Variants in OFD1 observed in about 807,000 individuals in gnomAD.
OFD1 encodes centriole and centriolar satellite protein OFD1.
OFD1 carries 12 observed loss-of-function variants against 81.4 expected under a neutral mutation model. The ratio of observed to expected loss-of-function variants is 0.15; its 90% CI spans 0.09 to 0.24. The LOEUF (loss-of-function observed/expected upper bound fraction) is 0.24. Among genes scored for constraint, OFD1 ranks in the 10% least tolerant of loss-of-function variants. OFD1 has a pLI of 1.00. For missense variants in OFD1, 685 were observed against 733.9 expected (o/e 0.93, Z 0.77); for synonymous variants, 256 against 263.7 (o/e 0.97, Z 0.28).
At chrX:13,734,364 G>C (rs930670610), upstream of OFD1, among the ~76,000 whole-genome samples, 2 of 111,061 alleles carry the variant, frequency 1.8e-5, no homozygotes, top group Non-Finnish European at 3.8e-5. Flanking sequence ...TCTGCAGGTG[G>C]AAGGGCTGCG....
At chrX:13,759,688 A>G (rs977631089) in intron 15 of OFD1, among the ~76,000 whole-genome samples, 13 of 112,369 alleles carry the variant, frequency 1.2e-4, no homozygotes, top group African/African-American at 4.2e-4. Flanking sequence ...ACAGCATCCT[A>G]TAGTAAAGCA....
upstream of OFD1, among the ~76,000 whole-genome samples, chrX:13,730,742 A>G (rs1189480232): frequency 3.6e-5 from 4 of 111,477 alleles, no homozygotes; most frequent in African/African-American, 1.3e-4. Flanking sequence ...CAGCCATAAA[A>G]AAGGATGAGT....
At chrX:13,761,892 G>C (rs1413669807) in intron 17 of OFD1, among the ~76,000 whole-genome samples, 7 of 101,727 alleles carry the variant, frequency 6.9e-5, no homozygotes, top group Non-Finnish European at 1.4e-4. Context: ...TGGGCCTGTC[G>C]TAGTCCTAAA....
the OFD1 span, chrX:13,720,282 AG>A: frequency 1.3e-5 from 2 of 150,478 alleles, no homozygotes; most frequent in African/African-American, 6.2e-5. Context: ...ATTCAGCTCA[AG>A]GGGCCCTAAG....
intron 10 of OFD1, chrX:13,752,958 T>A (rs1421615239): frequency 2.2e-6 from 2 of 900,687 alleles, no homozygotes; most frequent in African/African-American, 4.2e-5. Context: ...GTTCTTACCT[T>A]GGTTGGGGGT....
chrX:13,763,953 G>GT (rs1325115423), intron 19 of OFD1, 98 bp downstream of exon 19: 4 of 668,531 alleles, frequency 6.0e-6, no homozygotes, highest in African/African-American at 4.3e-5. Context: ...AAGTCATCTT[G>GT]TAGGTGTAAA....
At chrX:13,731,457 A>AT (rs2146878991), upstream of OFD1, among the ~76,000 whole-genome samples, 1 of 112,574 alleles carries the variant, frequency 8.9e-6, no homozygotes, top group Admixed American at 9.4e-5. Flanking sequence ...CCAAATTTAC[A>AT]TTTTTTGTTT....
upstream of OFD1, among the ~76,000 whole-genome samples, chrX:13,731,298 A>G (rs1444459304): frequency 8.9e-6 from 1 of 112,217 alleles, no homozygotes; most frequent in African/African-American, 3.2e-5. Flanking sequence ...GAGCGACTAG[A>G]ACACCAACAG....
At position 13,760,734 on chromosome X, in the gene OFD1, A is replaced by G. The variant is rs1401302718; in HGVS notation, c.2260+14A>G. ...TGTATCTGGAAGGTAAGCCACCCGC[A>G]CAAAGGGTTGCGGGGTGCTCTGGAG... On this transcript the variant is annotated intron_variant, in intron 16 of 22. Transcript: ENST00000340096. 1 of 1,209,284 alleles carries G rather than the reference A, an allele frequency of 8.3e-7. No homozygotes were observed. Among genetic ancestry groups the G allele is most frequent in the Non-Finnish European group, 1.1e-6 (1 of 894,858 alleles).
chrX:13,734,931 G>A lies in OFD1; in HGVS notation c.-141G>A. 2.7e-6 allele frequency: 3 copies of A among 1,110,787 alleles called. No homozygotes were observed. Among genetic ancestry groups the A allele is most frequent in the Non-Finnish European group, 3.5e-6 (3 of 853,151 alleles). 91.5% of individuals were successfully genotyped at this position (1,110,787 alleles called of 1,213,427 possible). A position where few individuals can be genotyped will look rare whatever the true frequency, so the allele number is the denominator to read the frequency against. On this transcript the variant is annotated 5_prime_UTR_variant, in exon 1 of 23. Transcript: ENST00000340096. The stretch of plus-strand genomic sequence containing the variant: ...GAGGCAGAGAACGTTCAGCACCTTT[G>A]TTCCTCCCGAACCCTCGGGACAGAG...
chrX:13,719,864 T>C, the OFD1 span: 147 of 1,159,634 alleles, frequency 1.3e-4, no homozygotes, highest in Non-Finnish European at 1.7e-4. Context: ...TAAAAATTCT[T>C]ACGTACTTTG....
chrX:13,734,597 C>A, upstream of OFD1: 2 of 714,772 alleles, frequency 2.8e-6, no homozygotes, highest in Non-Finnish European at 3.5e-6. Flanking sequence ...GAACCTGTAG[C>A]CAGAACGCCG....
intron 20 of OFD1, among the ~76,000 whole-genome samples, chrX:13,767,514 C>T (rs900663434): frequency 1.8e-5 from 2 of 112,185 alleles, no homozygotes; most frequent in Admixed American, 9.4e-5. Context: ...AATTTTTGTA[C>T]ATTCTCATCT....
the OFD1 span, among the ~76,000 whole-genome samples, chrX:13,717,860 G>C: frequency 2.7e-5 from 3 of 112,428 alleles, no homozygotes; most frequent in African/African-American, 9.7e-5. Flanking sequence ...TATGGAAAGA[G>C]GGTTGTTGCA....
chrX:13,768,928 G>T (rs1469519483), intron 22 of OFD1, 138 bp from the exon 23 acceptor site: 6 of 759,120 alleles, frequency 7.9e-6, no homozygotes, highest in Non-Finnish European at 1.2e-5. Flanking sequence ...TGAGTTTTTT[G>T]ACTTGTGAAA....
rs151120669 is a variant in OFD1 at position 13,751,582 on chromosome X, C to A, written c.1055+214C>A. On this transcript the variant is annotated intron_variant, in intron 10 of 22. Coordinates refer to ENST00000340096, the MANE Select transcript of OFD1 (RefSeq NM_003611.3). Reference sequence around the variant, plus strand: ...GGTGTGGTGGCTCATGCCTATAATCCCAGCACTCTGGGAGGCTGAGGTGGG... The same window carrying A: ...GGTGTGGTGGCTCATGCCTATAATCACAGCACTCTGGGAGGCTGAGGTGGG... Among the ~76,000 whole-genome samples the A allele has an allele frequency of 5.7e-3, 634 of 111,291 alleles. 4 individuals carry two copies. Among genetic ancestry groups the A allele is most frequent in the African/African-American group, 0.019 (596 of 30,577 alleles).
intron 3 of OFD1, among the ~76,000 whole-genome samples, chrX:13,737,021 A>AC (rs1330200690): frequency 1.8e-5 from 2 of 112,107 alleles, no homozygotes; most frequent in Admixed American, 9.5e-5. Flanking sequence ...TGATAGGCAC[A>AC]CTGCAGATGT....
chrX:13,753,293 A>G, intron 10 of OFD1, 75 bp from the exon 11 acceptor site: 2 of 1,204,175 alleles, frequency 1.7e-6, no homozygotes, highest in Non-Finnish European at 1.1e-6. Flanking sequence ...TGTGCCATAG[A>G]TAAGCTCCTG....
chrX:13,738,738 T>C (rs1290752274), intron 3 of OFD1, 108 bp from the exon 4 acceptor site: 1 of 536,038 alleles, frequency 1.9e-6, no homozygotes, highest in African/African-American at 2.3e-5. Flanking sequence ...TATAATCTTA[T>C]TTAATCTGAA....
Sources: gnomAD v4.1 joint callset for allele counts (sites outside exome capture counted in the v4.1 genomes callset) on GRCh38, gnomAD v4.1.1 for gene constraint, MANE v1.5 for transcripts, NCBI Gene and HGNC (gene_info 2026-07-23, HGNC 2026-07-21) for gene names.